Variants in TRPC5 observed in about 807,000 individuals in gnomAD.
TRPC5 encodes short transient receptor potential channel 5.
Under a neutral mutation model 56.5 loss-of-function variants are expected in TRPC5, and 9 were observed. The ratio of observed to expected loss-of-function variants is 0.16; its 90% CI spans 0.10 to 0.28. TRPC5 has a LOEUF of 0.28. Among genes scored for constraint, TRPC5 ranks in the 10% least tolerant of loss-of-function variants. The probability of loss-of-function intolerance (pLI) is 1.00; values close to 1 mark genes in which losing one functional copy is unlikely to be tolerated. For synonymous variants in TRPC5, 282 were observed against 278.5 expected (o/e 1.01, Z -0.13); for missense variants, 469 against 748.9 (o/e 0.63, Z 4.36).
At chrX:112,035,209 G>A (rs1174601647) in intron 1 of TRPC5, among the ~76,000 whole-genome samples, 2 of 109,267 alleles carry the variant, frequency 1.8e-5, no homozygotes, top group African/African-American at 6.7e-5. Context: ...TTCTCTGTAT[G>A]CTTCATGAAT....
At chrX:111,922,761 A>G (rs768304636) in intron 2 of TRPC5, among the ~76,000 whole-genome samples, 1 of 112,074 alleles carries the variant, frequency 8.9e-6, no homozygotes, top group South Asian at 3.7e-4. Flanking sequence ...ACTGAAATGG[A>G]CAACATTTAC....
intron 1 of TRPC5, among the ~76,000 whole-genome samples, chrX:112,033,597 G>C (rs771856271): frequency 3.6e-5 from 4 of 110,649 alleles, no homozygotes; most frequent in Admixed American, 2.9e-4. Flanking sequence ...TCATATCTAA[G>C]AATCCTTTGT....
chrX:111,870,963 C>G (rs1212052550), intron 3 of TRPC5, among the ~76,000 whole-genome samples: 1 of 111,583 alleles, frequency 9.0e-6, no homozygotes, highest in Non-Finnish European at 1.9e-5. Flanking sequence ...GTAGTTTTTA[C>G]ATTTATAGGA....
At chrX:112,041,205 G>A (rs1929883141) in intron 1 of TRPC5, among the ~76,000 whole-genome samples, 1 of 111,871 alleles carries the variant, frequency 8.9e-6, no homozygotes, top group South Asian at 3.7e-4. Flanking sequence ...GCACTGAAGT[G>A]GTAAGGGTAA....
chrX:111,785,568 C>G (rs891271984), intron 7 of TRPC5, among the ~76,000 whole-genome samples: 1 of 111,840 alleles, frequency 8.9e-6, no homozygotes, highest in Non-Finnish European at 1.9e-5. Flanking sequence ...ATCACTTTCA[C>G]GAGTTCACAG....
At chrX:111,996,640 G>A (rs1277871517) in intron 1 of TRPC5, among the ~76,000 whole-genome samples, 5 of 110,983 alleles carry the variant, frequency 4.5e-5, no homozygotes, top group Non-Finnish European at 9.4e-5. Context: ...GGTCTCTAAG[G>A]ACTTGCTTTA....
chrX:111,983,464 A>G (rs990940132), intron 1 of TRPC5, among the ~76,000 whole-genome samples: 2 of 110,961 alleles, frequency 1.8e-5, no homozygotes, highest in Admixed American at 9.5e-5. Context: ...GTGAGCATTT[A>G]CATGGGGAAC....
chrX:111,966,586 T>C (rs1314045248), intron 1 of TRPC5, among the ~76,000 whole-genome samples: 4 of 111,576 alleles, frequency 3.6e-5, no homozygotes, highest in Non-Finnish European at 7.5e-5. Flanking sequence ...CTCAATAAAA[T>C]ACTGGCAAAC....
At chrX:112,019,603 TTTTTTGTATA>T (rs891928903) in intron 1 of TRPC5, among the ~76,000 whole-genome samples, 2 of 111,179 alleles carry the variant, frequency 1.8e-5, no homozygotes, top group African/African-American at 6.5e-5. Flanking sequence ...ACCCGGCTAA[TTTTTTGTATA>T]TTTAGTAGAG....
rs1186869609 is a variant in TRPC5, at chrX:111,775,993, T to G, written c.*320A>C. Reference sequence around the variant, plus strand: ...GACCAGCAAAGTGGCACCTGGGGCTTCAAGGAAGCATGGGTGAGAAAAGCA... The same window carrying G: ...GACCAGCAAAGTGGCACCTGGGGCTGCAAGGAAGCATGGGTGAGAAAAGCA... On this transcript the variant is annotated 3_prime_UTR_variant, in exon 11 of 11. Transcript: ENST00000262839. 1 of 175,211 alleles carries G rather than the reference T, an allele frequency of 5.7e-6. No homozygotes were observed. 14.4% of individuals were successfully genotyped at this position (175,211 alleles called of 1,213,427 possible).
intron 1 of TRPC5, among the ~76,000 whole-genome samples, chrX:111,989,095 G>GGAT (rs1928286167): frequency 9.0e-6 from 1 of 111,432 alleles, no homozygotes; most frequent in Non-Finnish European, 1.9e-5. Flanking sequence ...CGATGTACCT[G>GGAT]GATGCATATC....
chrX:111,895,373 A>C (rs905448222), intron 3 of TRPC5, among the ~76,000 whole-genome samples: 1 of 112,011 alleles, frequency 8.9e-6, no homozygotes, highest in African/African-American at 3.2e-5. Context: ...TTTAAAAATT[A>C]GATTGATTAT....
Position 111,769,192 on chromosome X carries a change from C to T in TRPC5, c.*7121G>A, listed in dbSNP as rs1945830098. On this transcript the variant is annotated 3_prime_UTR_variant, in exon 11 of 11. Coordinates refer to ENST00000262839, the MANE Select transcript of TRPC5 (RefSeq NM_012471.3). ...GTGGTTTTTCTTTACTGTCCCTCTCCCTGATAACAGCCTAGTCACCAGAGC... is the reference window on the plus strand; with the variant it reads ...GTGGTTTTTCTTTACTGTCCCTCTCTCTGATAACAGCCTAGTCACCAGAGC... Among the ~76,000 whole-genome samples, 1 of 111,493 alleles carries T rather than the reference C, an allele frequency of 9.0e-6. No homozygotes were observed. Among genetic ancestry groups the T allele is most frequent in the South Asian group, 3.8e-4 (1 of 2,654 alleles).
At chrX:111,969,841 T>C (rs1356859017) in intron 1 of TRPC5, among the ~76,000 whole-genome samples, 1 of 110,842 alleles carries the variant, frequency 9.0e-6, no homozygotes, top group Non-Finnish European at 1.9e-5. Flanking sequence ...TTATAGGCAT[T>C]GAAGAGACAC....
Position 111,995,381 on chromosome X carries a change from G to A in TRPC5, c.-21-42940C>T, listed in dbSNP as rs764918982. ...ATTCGGTTTGCCAGTATTTTATTGC[G>A]GATTTTCACATCGATGTTCATCAGG... is the stretch of plus-strand genomic sequence containing the variant. On this transcript the variant is annotated intron_variant, in intron 1 of 10. Coordinates refer to ENST00000262839, the MANE Select transcript of TRPC5 (RefSeq NM_012471.3). Among the ~76,000 whole-genome samples, 21 of 111,755 alleles carry A rather than the reference G, an allele frequency of 1.9e-4. No individual in the cohort carries two copies. The South Asian group carries it at 1.9e-3, about 10-fold the overall frequency.
At chrX:111,895,952 T>C (rs1486709536) in intron 3 of TRPC5, 1 of 111,622 alleles carries the variant, frequency 9.0e-6, no homozygotes, top group Non-Finnish European at 1.9e-5. Context: ...AAAATCTAGG[T>C]AACCTTTTAA....
At chrX:111,960,080 G>A (rs973049031) in intron 1 of TRPC5, among the ~76,000 whole-genome samples, 2 of 111,980 alleles carry the variant, frequency 1.8e-5, no homozygotes, top group Non-Finnish European at 3.8e-5. Flanking sequence ...CACATTTTAA[G>A]CACTCAATAG....
At chrX:111,920,786 C>G (rs1351985095) in intron 2 of TRPC5, among the ~76,000 whole-genome samples, 1 of 111,626 alleles carries the variant, frequency 9.0e-6, no homozygotes, top group Non-Finnish European at 1.9e-5. Flanking sequence ...TTTCTCAGGC[C>G]TCACAATCCA....
rs1178827842 is a variant in TRPC5, at chrX:111,847,182, G to A, written c.1632C>T (p.Thr544=). The A allele has an allele frequency of 8.3e-7, 1 of 1,211,803 alleles. No individual in the cohort carries two copies. Among genetic ancestry groups the A allele is most frequent in the Admixed American group, 2.2e-5 (1 of 46,026 alleles). ...GLNQLYFYYE[T]RAIDEPNNCK... is the part of the protein sequence containing the mutation. Reference sequence around the variant, plus strand: ...AGTTGTTAGGCTCATCGATAGCTCTGGTTTCATAATAGAAGTAAAGCTGGT... The same window carrying A: ...AGTTGTTAGGCTCATCGATAGCTCTAGTTTCATAATAGAAGTAAAGCTGGT... The change falls in exon 6 of 11, where the codon ACC becomes ACT. Residue 544 remains threonine (T), a synonymous_variant. Transcript: ENST00000262839.
Sources: allele counts gnomAD v4.1 joint callset (sites outside exome capture counted in the v4.1 genomes callset), GRCh38; gene constraint gnomAD v4.1.1; transcripts MANE v1.5; gene names NCBI Gene and HGNC (gene_info 2026-07-23, HGNC 2026-07-21).